The following NALCN variants were observed in gnomAD, a reference collection of about 807,000 sequenced individuals.
The protein encoded by NALCN is sodium leak channel, non-selective.
In NALCN, 111 loss-of-function variants were observed where a neutral mutation model predicts 225.3. The ratio of observed to expected loss-of-function variants is 0.49; its 90% confidence interval spans 0.42 to 0.58. NALCN has a LOEUF of 0.58. NALCN is among the 20% of genes least tolerant of loss of function. NALCN has a pLI of 0.00. For missense variants in NALCN, 1,378 were observed against 2,202.4 expected (o/e 0.63, Z 7.49); for synonymous variants, 764 against 769.0 (o/e 0.99, Z 0.11).
chr13:101,208,335 G>A (rs1594438519), intron 13 of NALCN, among the ~76,000 whole-genome samples: 1 of 151,896 alleles, frequency 6.6e-6, no homozygotes, highest in Non-Finnish European at 1.5e-5. Context: ...CAGAAACTCC[G>A]GACACGTCCA....
intron 15 of NALCN, among the ~76,000 whole-genome samples, chr13:101,166,185 G>A (rs554189675): frequency 6.6e-6 from 1 of 152,250 alleles, no homozygotes; most frequent in East Asian, 1.9e-4. Flanking sequence ...TTCTGTTATT[G>A]TGAAAAATAC....
At chr13:101,176,696 T>C (rs1314824191) in intron 14 of NALCN, among the ~76,000 whole-genome samples, 1 of 152,230 alleles carries the variant, frequency 6.6e-6, no homozygotes, top group African/African-American at 2.4e-5. Context: ...GAACTATTGA[T>C]GAAAAGCTTA....
At chr13:101,412,726 A>G (rs2047826166) in intron 1 of NALCN, among the ~76,000 whole-genome samples, 2 of 152,314 alleles carry the variant, frequency 1.3e-5, no homozygotes, top group Non-Finnish European at 1.5e-5. Context: ...TCTACCAGAA[A>G]AGCCTTGGAT....
At chr13:101,142,066 T>C (rs1254652852) in intron 17 of NALCN, among the ~76,000 whole-genome samples, 7 of 151,428 alleles carry the variant, frequency 4.6e-5, no homozygotes, top group Non-Finnish European at 8.9e-5. Flanking sequence ...TATACACACA[T>C]ATACATTTAT....
intron 7 of NALCN, among the ~76,000 whole-genome samples, chr13:101,299,992 T>G (rs1395890206): frequency 6.6e-6 from 1 of 151,602 alleles, no homozygotes; most frequent in Non-Finnish European, 1.5e-5. Flanking sequence ...GTAGTTATCA[T>G]AAAGTAAATG....
chr13:101,072,473 T>A (rs904385529), intron 37 of NALCN, among the ~76,000 whole-genome samples: 1 of 152,250 alleles, frequency 6.6e-6, no homozygotes, highest in African/African-American at 2.4e-5. Flanking sequence ...CCGACACCTC[T>A]GAGAGAACTT....
intron 7 of NALCN, among the ~76,000 whole-genome samples, chr13:101,334,837 CATGTT>C (rs1444956873): frequency 2.0e-5 from 3 of 151,746 alleles, no homozygotes; most frequent in Admixed American, 1.3e-4. Context: ...GAATGAAAAA[CATGTT>C]ATAACATACC....
At chr13:101,159,154 A>G (rs1488289854) in intron 15 of NALCN, among the ~76,000 whole-genome samples, 3 of 152,260 alleles carry the variant, frequency 2.0e-5, no homozygotes, top group Non-Finnish European at 4.4e-5. Flanking sequence ...GTAAATGGCA[A>G]GGAATGAATA....
At chr13:101,188,410 T>C (rs925671527) in intron 14 of NALCN, among the ~76,000 whole-genome samples, 1 of 152,106 alleles carries the variant, frequency 6.6e-6, no homozygotes, top group African/African-American at 2.4e-5. Context: ...GAGAGAAGTA[T>C]GTATTACCAG....
In NALCN at chr13:101,058,073, GCA is replaced by G. The variant is rs1417774113; in HGVS notation, c.4906-19_4906-18del. ...GCTGCTTGTCTGCATGGGAGGAGAA[GCA>G]CACAGTTACCGTCTTTTTAACCCTG... On this transcript the variant is annotated intron_variant, in intron 42 of 43. Coordinates refer to ENST00000251127, the MANE Select transcript of NALCN (RefSeq NM_052867.4). 3.1e-6 allele frequency: 5 copies of G among 1,604,298 alleles called. No homozygotes were observed. Among genetic ancestry groups the G allele is most frequent in the Admixed American group, 3.4e-5 (2 of 59,546 alleles).
rs1304343682 is a variant in NALCN, at chr13:101,081,570, G to A, written c.3842C>T (p.Thr1281Met). The change falls in exon 34 of 44, where the codon ACG becomes ATG. Residue 1281 changes from threonine to methionine, a missense_variant. This residue lies in a region of NALCN where 98 missense variants were observed against 156.6 expected (regional missense o/e 0.63). Coordinates refer to ENST00000251127, the MANE Select transcript of NALCN (RefSeq NM_052867.4). ...SRRNRYDLLV[T>M]SLGVVWVVLH... Reference sequence around the variant, plus strand: ...CACCACCCATACAACGCCAAGCGACGTCACCAGGAGATCGTATCGGTTTCT... The same window carrying A: ...CACCACCCATACAACGCCAAGCGACATCACCAGGAGATCGTATCGGTTTCT... 5.6e-6 allele frequency: 9 copies of A among 1,614,008 alleles called. 1 individual carries two copies. Among genetic ancestry groups the A allele is most frequent in the East Asian group, 4.5e-5 (2 of 44,870 alleles).
chr13:101,141,703 A>G (rs1404544784), intron 17 of NALCN, among the ~76,000 whole-genome samples: 3 of 152,082 alleles, frequency 2.0e-5, no homozygotes, highest in African/African-American at 7.2e-5. Context: ...GAGGCGAGAT[A>G]AAGAGAAAGG....
rs74117697 is a variant in NALCN, at chr13:101,209,500, G to A, written c.1627-17446C>T. On this transcript the variant is annotated intron_variant, in intron 13 of 43. Coordinates refer to ENST00000251127, the MANE Select transcript of NALCN (RefSeq NM_052867.4). ...CCATTTTTTGTTTCCATCTTAATTT[G>A]TTTTATTTTTAATTACTTTAAATTT... Among the ~76,000 whole-genome samples, 927 of 152,028 alleles carry A rather than the reference G, an allele frequency of 6.1e-3. 10 individuals are homozygous for A. Among genetic ancestry groups the A allele is most frequent in the African/African-American group, 0.021 (890 of 41,470 alleles).
intron 14 of NALCN, among the ~76,000 whole-genome samples, chr13:101,187,859 C>T (rs535119088): frequency 2.0e-5 from 3 of 152,220 alleles, no homozygotes; most frequent in South Asian, 4.1e-4. Context: ...ACATTTTAGA[C>T]GTTGAGGGTC....
chr13:101,069,457 G>C (rs1344503328), intron 37 of NALCN, among the ~76,000 whole-genome samples: 2 of 152,240 alleles, frequency 1.3e-5, no homozygotes, highest in Non-Finnish European at 2.9e-5. Flanking sequence ...TGAGCCTTCA[G>C]TGAGTTGTAA....
At chr13:101,264,957 G>A (rs576278390) in intron 10 of NALCN, among the ~76,000 whole-genome samples, 32 of 152,222 alleles carry the variant, frequency 2.1e-4, no homozygotes, top group African/African-American at 7.0e-4. Context: ...AAATGCAGGT[G>A]GCCTCCAGGA....
Position 101,192,017 on chromosome 13 carries a change from C to A in NALCN, c.1664G>T (p.Gly555Val). The change falls in exon 14 of 44, where the codon GGA (glycine) becomes GTA (valine). Residue 555 changes from glycine (G) to valine (V), a missense_variant. Around this residue, in one of 19 missense-constraint regions of NALCN, gnomAD observed 62 missense variants for 143.6 expected, o/e 0.43. Transcript: ENST00000251127. The stretch of plus-strand genomic sequence containing the variant: ...AGTTTGGTCCATTACGTCCACCCAT[C>A]CTTCCTGGGTGAGGATCTGGAACAT... ...MSMFQILTQEGWVDVMDQTLN... is the reference protein window; with the variant it reads ...MSMFQILTQEVWVDVMDQTLN... 1 of 1,597,370 alleles carries A rather than the reference C, an allele frequency of 6.3e-7. No homozygotes were observed. The highest frequency in any genetic ancestry group is 8.5e-7 in the Non-Finnish European group (1 of 1,174,948).
intron 7 of NALCN, 144 bp downstream of exon 7, chr13:101,345,122 A>T: frequency 1.2e-6 from 1 of 823,994 alleles, no homozygotes; most frequent in Non-Finnish European, 1.8e-6. Flanking sequence ...ATATTATAAA[A>T]TAGGCATAGA....
chr13:101,221,086 G>C (rs2040919560), intron 13 of NALCN, among the ~76,000 whole-genome samples: 1 of 152,012 alleles, frequency 6.6e-6, no homozygotes, highest in Admixed American at 6.6e-5. Context: ...TAAAAATAGA[G>C]GCCCACAGTC....
Sources: allele counts gnomAD v4.1 joint callset (sites outside exome capture counted in the v4.1 genomes callset), GRCh38; gene constraint gnomAD v4.1.1; regional missense constraint gnomAD v4.1.1; transcripts MANE v1.5; gene names NCBI Gene and HGNC (gene_info 2026-07-23, HGNC 2026-07-21).